The following TASP1 variants were observed in gnomAD, a reference collection of about 807,000 sequenced individuals.
The protein encoded by TASP1 is threonine aspartase 1.
In TASP1, 16 loss-of-function variants were observed where a neutral mutation model predicts 56.6. The ratio of observed to expected loss-of-function variants is 0.28; its 90% CI spans 0.19 to 0.43. The LOEUF (loss-of-function observed/expected upper bound fraction) is 0.43. Among genes scored for constraint, TASP1 ranks in the 20% least tolerant of loss-of-function variants. The pLI is 1.00. For missense variants in TASP1, 393 were observed against 511.6 expected (o/e 0.77, Z 2.24); for synonymous variants, 179 against 184.2 (o/e 0.97, Z 0.23).
At chr20:13,452,330 T>C (rs1422562582) in intron 11 of TASP1, among the ~76,000 whole-genome samples, 3 of 151,870 alleles carry the variant, frequency 2.0e-5, no homozygotes, top group African/African-American at 7.3e-5. Flanking sequence ...TATGCCTCTA[T>C]TCCATTCTTA....
the TASP1 span, among the ~76,000 whole-genome samples, chr20:13,159,764 G>T: frequency 6.6e-6 from 1 of 152,078 alleles, no homozygotes; most frequent in African/African-American, 2.4e-5. Context: ...TAATGAGTGT[G>T]TCAGACCCAT....
the TASP1 span, among the ~76,000 whole-genome samples, chr20:13,253,069 G>A: frequency 6.6e-6 from 1 of 152,174 alleles, no homozygotes; most frequent in African/African-American, 2.4e-5. Context: ...CACACAGCGA[G>A]GGAGAAATCA....
chr20:13,516,979 G>C (rs940603423), intron 10 of TASP1, among the ~76,000 whole-genome samples: 2 of 151,944 alleles, frequency 1.3e-5, no homozygotes, highest in Non-Finnish European at 2.9e-5. Flanking sequence ...TTGAGATTTG[G>C]GGAGAGAAAG....
chr20:13,327,663 A>G, the TASP1 span, among the ~76,000 whole-genome samples: 128 of 152,254 alleles, frequency 8.4e-4, no homozygotes, highest in Middle Eastern at 3.4e-3. Context: ...CACACCTACA[A>G]CTATCTGACC....
intron 11 of TASP1, among the ~76,000 whole-genome samples, chr20:13,477,448 A>AAGAG: frequency 6.6e-6 from 1 of 152,186 alleles, no homozygotes; most frequent in Non-Finnish European, 1.5e-5. Context: ...CATTATATTT[A>AAGAG]GTAATAAACA....
the TASP1 span, among the ~76,000 whole-genome samples, chr20:13,157,199 A>T: frequency 6.6e-6 from 1 of 151,588 alleles, no homozygotes; most frequent in East Asian, 1.9e-4. Context: ...ACACTTTAGG[A>T]GGCTGAGGCA....
chr20:13,338,251 T>C, the TASP1 span, among the ~76,000 whole-genome samples: 2 of 152,206 alleles, frequency 1.3e-5, no homozygotes, highest in African/African-American at 4.8e-5. Context: ...GGTAATTTTC[T>C]GACCTGCCAT....
intron 10 of TASP1, among the ~76,000 whole-genome samples, chr20:13,486,331 TAA>T (rs2043317497): frequency 6.6e-6 from 1 of 152,106 alleles, no homozygotes; most frequent in South Asian, 2.1e-4. Flanking sequence ...ACATGGATTA[TAA>T]AAGACCTGAC....
intron 12 of TASP1, among the ~76,000 whole-genome samples, chr20:13,427,738 T>A (rs1027761166): frequency 6.6e-6 from 1 of 152,176 alleles, no homozygotes; most frequent in East Asian, 1.9e-4. Flanking sequence ...TTTATTATTG[T>A]CCTTTATAAC....
the TASP1 span, among the ~76,000 whole-genome samples, chr20:13,264,008 G>T: frequency 1.3e-5 from 2 of 152,102 alleles, no homozygotes; most frequent in Admixed American, 6.5e-5. Flanking sequence ...CACATTAGGG[G>T]TAATGAGGCC....
the TASP1 span, among the ~76,000 whole-genome samples, chr20:13,141,718 G>A: frequency 1.3e-5 from 2 of 152,228 alleles, no homozygotes; most frequent in Admixed American, 6.5e-5. Flanking sequence ...AGGGCATGGA[G>A]AGCTGCATTT....
At chr20:13,178,602 T>C in the TASP1 span, among the ~76,000 whole-genome samples, 3 of 150,568 alleles carry the variant, frequency 2.0e-5, no homozygotes, top group African/African-American at 7.4e-5. Context: ...TGGGGCAACA[T>C]AGAGGGAACT....
intron 10 of TASP1, among the ~76,000 whole-genome samples, chr20:13,509,404 T>C (rs1179811113): frequency 1.3e-5 from 2 of 152,130 alleles, no homozygotes; most frequent in Non-Finnish European, 2.9e-5. Flanking sequence ...GAATAAATTC[T>C]GGAGGATTAA....
the TASP1 span, among the ~76,000 whole-genome samples, chr20:13,361,977 A>C: frequency 6.6e-6 from 1 of 151,138 alleles, no homozygotes; most frequent in Non-Finnish European, 1.5e-5. Context: ...AATTCATCCA[A>C]AACCGTATCC....
the TASP1 span, among the ~76,000 whole-genome samples, chr20:13,204,355 C>T: frequency 1.6e-4 from 24 of 152,166 alleles, no homozygotes; most frequent in East Asian, 1.2e-3. Flanking sequence ...CTGCCATTTC[C>T]GGGATCCCTT....
At chr20:13,441,837 AAT>A (rs1158219400) in intron 11 of TASP1, among the ~76,000 whole-genome samples, 2 of 152,174 alleles carry the variant, frequency 1.3e-5, no homozygotes, top group African/African-American at 4.8e-5. Context: ...AAGTAGAACT[AAT>A]AGAGTTGTTG....
chr20:13,390,524 C>CA, intron 13 of TASP1, 72 bp from the exon 14 acceptor site: 3 of 1,390,804 alleles, frequency 2.2e-6, no homozygotes, highest in Non-Finnish European at 3.0e-6. Flanking sequence ...TACCCGTGTC[C>CA]AAAAAAGGTG....
chr20:13,216,590 A>G, the TASP1 span, among the ~76,000 whole-genome samples: 5 of 152,240 alleles, frequency 3.3e-5, no homozygotes, highest in Non-Finnish European at 7.3e-5. Context: ...CTTGCCCTCT[A>G]AAGAAAAAGT....
At chr20:13,434,909 C>A in intron 12 of TASP1, 135 bp downstream of exon 12, 1 of 563,348 alleles carries the variant, frequency 1.8e-6, no homozygotes, top group Non-Finnish European at 3.2e-6. Flanking sequence ...ATCAGTAGAA[C>A]AGGGATGTTC....
Sources: gnomAD v4.1 joint callset for allele counts (sites outside exome capture counted in the v4.1 genomes callset) on GRCh38, gnomAD v4.1.1 for gene constraint, MANE v1.5 for transcripts, NCBI Gene and HGNC (gene_info 2026-07-23, HGNC 2026-07-21) for gene names.